The following PAX2 variants were observed in gnomAD, a reference collection of about 807,000 sequenced individuals.
PAX2 encodes paired box protein Pax-2.
PAX2 carries 9 observed loss-of-function variants against 41.7 expected under a neutral mutation model. The observed-to-expected ratio is 0.22, with a 90% CI of 0.13 to 0.38. PAX2 has a LOEUF of 0.38. Among genes scored for constraint, PAX2 ranks in the 10% least tolerant of loss-of-function variants. The pLI is 1.00. For synonymous variants in PAX2, 221 were observed against 212.7 expected, an observed-to-expected ratio of 1.04 and a Z score of -0.34; for missense variants, 418 against 531.6, an observed-to-expected ratio of 0.79 and a Z score of 2.10.
At chr10:100,755,000 T>G (rs946608948) in intron 3 of PAX2, among the ~76,000 whole-genome samples, 2 of 152,222 alleles carry the variant, frequency 1.3e-5, no homozygotes, top group Non-Finnish European at 2.9e-5. Flanking sequence ...TTCTGTGGCC[T>G]GAGCCTAGCA....
intron 7 of PAX2, among the ~76,000 whole-genome samples, chr10:100,822,322 A>G (rs1416188068): frequency 6.6e-6 from 1 of 152,210 alleles, no homozygotes; most frequent in African/African-American, 2.4e-5. Flanking sequence ...TATTGTTTAA[A>G]TTGTTTTTTA....
At chr10:100,822,764 A>G (rs1046203578) in intron 7 of PAX2, among the ~76,000 whole-genome samples, 3 of 152,216 alleles carry the variant, frequency 2.0e-5, no homozygotes, top group Non-Finnish European at 4.4e-5. Context: ...GCAAAAGCAT[A>G]GGGGGTTCAC....
intron 3 of PAX2, among the ~76,000 whole-genome samples, chr10:100,760,399 T>A (rs1188668264): frequency 1.3e-5 from 2 of 152,192 alleles, no homozygotes; most frequent in African/African-American, 2.4e-5. Flanking sequence ...ACAGTAGACA[T>A]CCTGATGGGT....
intron 3 of PAX2, among the ~76,000 whole-genome samples, chr10:100,776,777 A>G (rs1271221279): frequency 2.0e-5 from 3 of 152,268 alleles, no homozygotes; most frequent in Middle Eastern, 6.8e-3. Context: ...AACTCCACCA[A>G]GCTTCCAGTT....
intron 7 of PAX2, among the ~76,000 whole-genome samples, chr10:100,814,086 C>T (rs910011327): frequency 5.9e-5 from 9 of 152,108 alleles, no homozygotes; most frequent in Admixed American, 1.3e-4. Flanking sequence ...CGGTGGCTCA[C>T]GCCTGTAATC....
intron 7 of PAX2, among the ~76,000 whole-genome samples, chr10:100,813,635 G>A (rs1848078735): frequency 1.3e-5 from 2 of 152,192 alleles, no homozygotes; most frequent in South Asian, 4.1e-4. Context: ...GTAGCCCAGG[G>A]AAACAAGGAA....
chr10:100,811,822 C>G (rs1848000156), intron 7 of PAX2, among the ~76,000 whole-genome samples: 1 of 152,192 alleles, frequency 6.6e-6, no homozygotes, highest in Non-Finnish European at 1.5e-5. Context: ...AAGGAGCCCT[C>G]TTTATCCTCC....
At chr10:100,795,189 A>G (rs1847277009) in intron 5 of PAX2, among the ~76,000 whole-genome samples, 1 of 152,252 alleles carries the variant, frequency 6.6e-6, no homozygotes. Flanking sequence ...CACTACTTCC[A>G]CATAATTTCC....
chr10:100,756,802 CG>C (rs1845653480), intron 3 of PAX2, among the ~76,000 whole-genome samples: 1 of 152,196 alleles, frequency 6.6e-6, no homozygotes, highest in Non-Finnish European at 1.5e-5. Flanking sequence ...ACACTTCCCC[CG>C]CCCCTCCAAG....
chr10:100,748,398 A>G lies in PAX2; in HGVS notation c.44-1348A>G. 1.0e-6 allele frequency: 1 copy of G among 979,838 alleles called. No homozygotes were observed. Among genetic ancestry groups the G allele is most frequent in the Non-Finnish European group, 1.2e-6 (1 of 829,738 alleles). The allele number at this position is 979,838 out of a possible 1,614,324, so 60.7% of individuals were successfully genotyped here. A position where few individuals can be genotyped will look rare whatever the true frequency, so the allele number is the denominator to read the frequency against. The stretch of plus-strand genomic sequence containing the variant: ...GCAACGCGATCAGAGGTCTTTCCCC[A>G]GGGTTTCACCGAGCTTGCTCTAGGT... On this transcript the variant is annotated intron_variant, in intron 1 of 9. Transcript: ENST00000355243. This position sits in a 1 kb window ranked among gnomAD's most constrained non-coding sequence, Gnocchi z 5.0.
chr10:100,756,103 C>T (rs754196883), intron 3 of PAX2, among the ~76,000 whole-genome samples: 2 of 151,982 alleles, frequency 1.3e-5, no homozygotes, highest in African/African-American at 2.4e-5. Flanking sequence ...CATGTGCTTG[C>T]GGACTAGAAT....
At chr10:100,772,130 T>G (rs1289280305) in intron 3 of PAX2, among the ~76,000 whole-genome samples, 1 of 151,976 alleles carries the variant, frequency 6.6e-6, no homozygotes, top group Non-Finnish European at 1.5e-5. Context: ...AATATCTTTT[T>G]TGTGTGTGTG....
chr10:100,822,335 G>T (rs1848400811), intron 7 of PAX2, among the ~76,000 whole-genome samples: 1 of 151,926 alleles, frequency 6.6e-6, no homozygotes, highest in Admixed American at 6.6e-5. Flanking sequence ...GTTTTTTAAA[G>T]AAAAAGCATA....
intron 3 of PAX2, among the ~76,000 whole-genome samples, chr10:100,778,038 T>C (rs911868576): frequency 1.3e-5 from 2 of 152,228 alleles, no homozygotes; most frequent in Non-Finnish European, 2.9e-5. Flanking sequence ...TCTTTGTTCA[T>C]CTTAGGATCA....
intron 7 of PAX2, among the ~76,000 whole-genome samples, chr10:100,819,783 C>T (rs1848320018): frequency 1.3e-5 from 2 of 152,214 alleles, no homozygotes; most frequent in African/African-American, 4.8e-5. Flanking sequence ...CTGATGACTA[C>T]AATTTTTCAA....
At chr10:100,749,065 C>T (rs1297504834) in intron 1 of PAX2, 1 of 985,292 alleles carries the variant, frequency 1.0e-6, no homozygotes, top group South Asian at 4.7e-5. Flanking sequence ...ACTTCAGATA[C>T]TAAGGAGGTG....
At chr10:100,756,585 AG>A (rs1845640992) in intron 3 of PAX2, among the ~76,000 whole-genome samples, 1 of 152,242 alleles carries the variant, frequency 6.6e-6, no homozygotes, top group African/African-American at 2.4e-5. Context: ...AGCATGTTTA[AG>A]GTAGGCTAGG....
At position 100,750,414 on chromosome 10, in the gene PAX2, A is replaced by G. The variant is rs1476336336; in HGVS notation, c.213-280A>G. ...GTTCGTTTTGCTCTTCCCAAGTGAA[A>G]GGCTGGGCTTTCACTCCCACGGGTG... is the stretch of plus-strand genomic sequence containing the variant. On this transcript the variant is annotated intron_variant, in intron 2 of 9. Transcript: ENST00000355243. This position sits in a 1 kb window ranked among gnomAD's most constrained non-coding sequence, Gnocchi z 4.1. 6.6e-6 allele frequency among the ~76,000 whole-genome samples: 1 copy of G among 152,070 alleles called. No individual in the cohort carries two copies. Among genetic ancestry groups the G allele is most frequent in the Non-Finnish European group, 1.5e-5 (1 of 68,004 alleles).
rs958465680 is a variant in PAX2, at chr10:100,745,664, C to T, written c.-597C>T. The T allele has an allele frequency of 9.7e-6, 8 of 822,292 alleles. No individual in the cohort carries two copies. In the African/African-American group the frequency reaches 1.3e-4, roughly 13 times the overall value. The allele number at this position is 822,292 out of a possible 1,614,324, so 50.9% of individuals were successfully genotyped here. A position where few individuals can be genotyped will look rare whatever the true frequency, so the allele number is the denominator to read the frequency against. On this transcript the variant is annotated 5_prime_UTR_variant, in exon 1 of 10. Coordinates refer to ENST00000355243, the MANE Select transcript of PAX2 (RefSeq NM_000278.5). ...CAGCGCCGCTCGGCTCCCTCCCTCC[C>T]TCCCGGCCCTTCGGCCGCGGCGGCG...
Sources: gnomAD v4.1 joint callset for allele counts (sites outside exome capture counted in the v4.1 genomes callset) on GRCh38, gnomAD v4.1.1 for gene constraint, Gnocchi (gnomAD v3.1) non-coding constraint, MANE v1.5 for transcripts, NCBI Gene and HGNC (gene_info 2026-07-23, HGNC 2026-07-21) for gene names.